Variants in PARP8 observed in about 807,000 individuals in gnomAD.
PARP8 encodes protein mono-ADP-ribosyltransferase PARP8.
PARP8 carries 51 observed loss-of-function variants against 124.1 expected under a neutral mutation model. The ratio of observed to expected loss-of-function variants is 0.41; its 90% confidence interval spans 0.33 to 0.52. The LOEUF (loss-of-function observed/expected upper bound fraction) is 0.52, where lower values mean the gene tolerates loss of function less well. Among genes scored for constraint, PARP8 ranks in the 20% least tolerant of loss-of-function variants. PARP8 has a pLI of 0.21. For synonymous variants in PARP8, 391 were observed against 361.5 expected (o/e 1.08, Z -0.93); for missense variants, 860 against 1,018.9 (o/e 0.84, Z 2.12).
In PARP8 at chr5:50,844,396, A is replaced by T. The variant is rs566112447; in HGVS notation, c.*2328A>T. The T allele has an allele frequency of 5.3e-5, 8 of 151,870 alleles. No individual in the cohort carries two copies. Among genetic ancestry groups the T allele is most frequent in the Admixed American group, 2.0e-4 (3 of 15,214 alleles). 9.4% of individuals were successfully genotyped at this position (151,870 alleles called of 1,614,324 possible). ...GAAATTAGGGATACTATAATAACTG[A>T]TAAAGATGAATTTCTGTGTTTCTAA... On this transcript the variant is annotated 3_prime_UTR_variant, in exon 26 of 26. Coordinates refer to ENST00000281631, the MANE Select transcript of PARP8 (RefSeq NM_024615.4).
chr5:50,815,991 A>G (rs1480268536), intron 15 of PARP8, among the ~76,000 whole-genome samples: 1 of 150,120 alleles, frequency 6.7e-6, no homozygotes, highest in South Asian at 2.1e-4. Context: ...AAATTTCCAG[A>G]TTTTTTTTTT....
intron 10 of PARP8, among the ~76,000 whole-genome samples, chr5:50,793,437 A>T (rs1342835688): frequency 6.6e-6 from 1 of 152,202 alleles, no homozygotes; most frequent in African/African-American, 2.4e-5. Context: ...AAATAAGAAC[A>T]CTGTGTCCAA....
At chr5:50,747,141 G>GTTTTTTTTTT (rs201585071) in intron 2 of PARP8, among the ~76,000 whole-genome samples, 11 of 80,860 alleles carry the variant, frequency 1.4e-4, no homozygotes, top group African/African-American at 4.7e-4. Context: ...TTCAGTTATG[G>GTTTTTTTTTT]TTTTTTTTGT....
intron 2 of PARP8, among the ~76,000 whole-genome samples, chr5:50,725,410 TAATG>T (rs924772317): frequency 1.3e-5 from 2 of 152,118 alleles, no homozygotes; most frequent in African/African-American, 4.8e-5. Flanking sequence ...AAAAGGCAAT[TAATG>T]AATTATTCAT....
At chr5:50,694,372 T>C (rs1387430821) in intron 2 of PARP8, among the ~76,000 whole-genome samples, 1 of 152,192 alleles carries the variant, frequency 6.6e-6, no homozygotes, top group Non-Finnish European at 1.5e-5. Flanking sequence ...TTATTTGATA[T>C]TGATTTGATT....
In PARP8 at chr5:50,826,810, TG is replaced by T. The variant is rs770105698; in HGVS notation, c.1977+8del. 16 of 1,574,938 alleles carry T rather than the reference TG, an allele frequency of 1.0e-5. No individual in the cohort carries two copies. Among genetic ancestry groups the T allele is most frequent in the African/African-American group, 4.8e-5 (3 of 62,434 alleles). On this transcript the variant is annotated splice_region_variant and intron_variant, in intron 19 of 25. Transcript: ENST00000281631. Reference sequence around the variant, plus strand: ...GAAACTGCCAGTTAACAGGGTAAGTTGTTTTTTTTTTTTTTACATATGCATA... The same window carrying T: ...GAAACTGCCAGTTAACAGGGTAAGTTTTTTTTTTTTTTTTACATATGCATA...
At chr5:50,702,324 C>T (rs1753685344) in intron 2 of PARP8, among the ~76,000 whole-genome samples, 1 of 151,788 alleles carries the variant, frequency 6.6e-6, no homozygotes. Flanking sequence ...ATCTGTGATC[C>T]CTGATAAAGC....
At chr5:50,678,623 TA>T (rs750168067) in intron 2 of PARP8, among the ~76,000 whole-genome samples, 17 of 152,216 alleles carry the variant, frequency 1.1e-4, no homozygotes, top group Non-Finnish European at 2.4e-4. Flanking sequence ...CTTGTTAACA[TA>T]AACTATCGGA....
At chr5:50,838,786 G>A (rs1747860664) in intron 25 of PARP8, among the ~76,000 whole-genome samples, 1 of 151,434 alleles carries the variant, frequency 6.6e-6, no homozygotes, top group South Asian at 2.1e-4. Flanking sequence ...AAAACAACTT[G>A]GAGTTGTATT....
At chr5:50,754,150 T>TATATACACACACAC (rs1312947286) in intron 3 of PARP8, among the ~76,000 whole-genome samples, 1 of 37,192 alleles carries the variant, frequency 2.7e-5, no homozygotes, top group African/African-American at 1.2e-4. Flanking sequence ...TATATATATA[T>TATATACACACACAC]ACACACACAC....
intron 14 of PARP8, among the ~76,000 whole-genome samples, 188 bp downstream of exon 14, chr5:50,797,421 A>T (rs1561395851): frequency 6.6e-6 from 1 of 152,230 alleles, no homozygotes. Flanking sequence ...AGTTAGTTTG[A>T]TATTAGGAAA....
chr5:50,716,285 A>AT, intron 2 of PARP8, among the ~76,000 whole-genome samples: 1 of 152,076 alleles, frequency 6.6e-6, no homozygotes. Flanking sequence ...GGTAGTTCTG[A>AT]TTATCAGAGA....
At chr5:50,743,415 T>C (rs1758247799) in intron 2 of PARP8, among the ~76,000 whole-genome samples, 1 of 152,112 alleles carries the variant, frequency 6.6e-6, no homozygotes, top group Non-Finnish European at 1.5e-5. Flanking sequence ...GTAGCAAAGG[T>C]GAGCTTCTAG....
chr5:50,757,951 T>G (rs1169225790), intron 3 of PARP8, among the ~76,000 whole-genome samples: 1 of 152,096 alleles, frequency 6.6e-6, no homozygotes, highest in Non-Finnish European at 1.5e-5. Flanking sequence ...AATACTCTTT[T>G]TCTCCTAAAT....
At chr5:50,777,919 A>G (rs1740219186) in intron 7 of PARP8, 150 bp from the exon 8 acceptor site, 1 of 646,896 alleles carries the variant, frequency 1.5e-6, no homozygotes, top group South Asian at 2.0e-5. Context: ...CTAGATTATT[A>G]GTTATTTCAT....
At chr5:50,726,676 T>C (rs1243134901) in intron 2 of PARP8, among the ~76,000 whole-genome samples, 1 of 152,294 alleles carries the variant, frequency 6.6e-6, no homozygotes, top group African/African-American at 2.4e-5. Flanking sequence ...TCATGTAGAC[T>C]TGCTGGCTCC....
intron 2 of PARP8, among the ~76,000 whole-genome samples, chr5:50,733,922 C>G (rs1757234832): frequency 6.6e-6 from 1 of 152,122 alleles, no homozygotes; most frequent in African/African-American, 2.4e-5. Context: ...CACTTCCCTC[C>G]AAAAGCGTAA....
At chr5:50,840,916 T>A (rs930523774) in intron 25 of PARP8, among the ~76,000 whole-genome samples, 2 of 151,856 alleles carry the variant, frequency 1.3e-5, no homozygotes, top group African/African-American at 4.8e-5. Flanking sequence ...AAAACAGCGA[T>A]AAGAATTAGC....
At chr5:50,772,055 G>A (rs900955757) in intron 7 of PARP8, among the ~76,000 whole-genome samples, 17 of 152,050 alleles carry the variant, frequency 1.1e-4, no homozygotes, top group Non-Finnish European at 1.6e-4. Context: ...GTACTACAAT[G>A]AGATCAGCTT....
Sources: allele counts gnomAD v4.1 joint callset (sites outside exome capture counted in the v4.1 genomes callset), GRCh38; gene constraint gnomAD v4.1.1; transcripts MANE v1.5; gene names NCBI Gene and HGNC (gene_info 2026-07-23, HGNC 2026-07-21).